Variants in USP13 observed in about 807,000 individuals in gnomAD.
USP13 encodes the protein ubiquitin carboxyl-terminal hydrolase 13.
In USP13, 68 loss-of-function variants were observed where a neutral mutation model predicts 107.8. The ratio of observed to expected loss-of-function variants is 0.63; its 90% CI spans 0.52 to 0.77. USP13 has a LOEUF of 0.77. Among genes scored for constraint, USP13 ranks in the 30% least tolerant of loss-of-function variants. The probability of loss-of-function intolerance (pLI) is 0.00; values close to 1 mark genes in which losing one functional copy is unlikely to be tolerated. For synonymous variants in USP13, 377 were observed against 389.5 expected (o/e 0.97, Z 0.38); for missense variants, 945 against 1,093.3 (o/e 0.86, Z 1.91).
chr3:179,786,065 A>G lies in USP13; in HGVS notation c.*1924A>G, dbSNP rs1715908329. The G allele has an allele frequency of 1.3e-5, 2 of 152,180 alleles. No homozygotes were observed. The highest frequency in any genetic ancestry group is 1.3e-4 in the Admixed American group (2 of 15,278). 9.4% of individuals were successfully genotyped at this position (152,180 alleles called of 1,614,324 possible). A position where few individuals can be genotyped will look rare whatever the true frequency, so the allele number is the denominator to read the frequency against. Reference sequence around the variant, plus strand: ...GGCAGAAGGAGGGAGCTCACGGTGCAGTACTTTTCTACCAAAGTGTGCCCA... The same window carrying G: ...GGCAGAAGGAGGGAGCTCACGGTGCGGTACTTTTCTACCAAAGTGTGCCCA... On this transcript the variant is annotated 3_prime_UTR_variant, in exon 21 of 21. Transcript: ENST00000263966.
chr3:179,668,381 T>A (rs566007989), intron 1 of USP13, among the ~76,000 whole-genome samples: 1 of 152,336 alleles, frequency 6.6e-6, no homozygotes, highest in South Asian at 2.1e-4. Context: ...GCCTATACTC[T>A]CCTGGGATTA....
At chr3:179,656,045 G>A (rs1720249899) in intron 1 of USP13, among the ~76,000 whole-genome samples, 1 of 152,128 alleles carries the variant, frequency 6.6e-6, no homozygotes, top group African/African-American at 2.4e-5. Context: ...AACCAGCTGA[G>A]TGGAAAAAAG....
At chr3:179,701,209 G>C (rs1435225833) in intron 4 of USP13, 80 bp downstream of exon 4, 2 of 1,440,448 alleles carry the variant, frequency 1.4e-6, no homozygotes, top group Non-Finnish European at 1.9e-6. Context: ...GTGTGTGTGC[G>C]GGGGTGGGGT....
chr3:179,685,944 C>T (rs911991684), intron 2 of USP13, among the ~76,000 whole-genome samples: 8 of 152,114 alleles, frequency 5.3e-5, no homozygotes, highest in African/African-American at 1.9e-4. Flanking sequence ...GACTTTTATT[C>T]TCCTGTCTTG....
chr3:179,756,053 A>T (rs1248696130), intron 15 of USP13, among the ~76,000 whole-genome samples: 2 of 152,210 alleles, frequency 1.3e-5, no homozygotes, highest in African/African-American at 4.8e-5. Flanking sequence ...TAAATACAAG[A>T]TGGTTTATTA....
intron 19 of USP13, 37 bp from the exon 20 acceptor site, chr3:179,781,702 A>G (rs1484538432): frequency 6.3e-7 from 1 of 1,585,734 alleles, no homozygotes. Flanking sequence ...CATTCTGGAA[A>G]TGCTGCCTTG....
At chr3:179,780,535 G>C (rs184260713) in intron 19 of USP13, among the ~76,000 whole-genome samples, 1 of 152,122 alleles carries the variant, frequency 6.6e-6, no homozygotes, top group Non-Finnish European at 1.5e-5. Context: ...GTCTGGATAG[G>C]GGGGGAAGAA....
chr3:179,770,223 G>C (rs56184125), intron 19 of USP13, among the ~76,000 whole-genome samples: 2,082 of 152,258 alleles, frequency 0.014, 32 homozygotes, highest in East Asian at 0.046. Flanking sequence ...GGGAATACCT[G>C]ATCACTTTAC....
chr3:179,775,794 A>T (rs1459658623), intron 19 of USP13, among the ~76,000 whole-genome samples: 1 of 152,192 alleles, frequency 6.6e-6, no homozygotes, highest in Non-Finnish European at 1.5e-5. Context: ...ATGCTCACCC[A>T]GAACTCAGTG....
intron 9 of USP13, 42 bp downstream of exon 9, chr3:179,730,302 T>A (rs774257670): frequency 6.3e-7 from 1 of 1,585,524 alleles, no homozygotes; most frequent in East Asian, 2.2e-5. Flanking sequence ...AGAAAAAGCA[T>A]CCAATAAAAT....
chr3:179,707,437 A>G (rs1712764562), intron 5 of USP13, among the ~76,000 whole-genome samples: 1 of 152,148 alleles, frequency 6.6e-6, no homozygotes, highest in Non-Finnish European at 1.5e-5. Context: ...TGACTGTGGC[A>G]TGGGTGGATT....
intron 2 of USP13, among the ~76,000 whole-genome samples, chr3:179,682,215 G>T (rs1711684286): frequency 6.9e-6 from 1 of 145,584 alleles, no homozygotes; most frequent in Non-Finnish European, 1.5e-5. Flanking sequence ...CTTCTGATTG[G>T]TGTTTTTAAG....
chr3:179,714,129 C>T (rs550953759), intron 6 of USP13, among the ~76,000 whole-genome samples: 7 of 152,216 alleles, frequency 4.6e-5, no homozygotes, highest in South Asian at 2.1e-4. Flanking sequence ...AGGACGGAGA[C>T]GGGATAGGGT....
intron 1 of USP13, among the ~76,000 whole-genome samples, chr3:179,674,646 G>C (rs1720841402): frequency 6.6e-6 from 1 of 151,488 alleles, no homozygotes; most frequent in South Asian, 2.1e-4. Context: ...CTTCTCTCGG[G>C]CCTGTACCCA....
chr3:179,702,717 G>A (rs1712578997), intron 4 of USP13, among the ~76,000 whole-genome samples: 1 of 152,326 alleles, frequency 6.6e-6, no homozygotes, highest in East Asian at 1.9e-4. Context: ...AGGGCATACA[G>A]AATTAAATTA....
chr3:179,662,518 A>T lies in USP13; in HGVS notation c.168+9125A>T, dbSNP rs148451289. ...TTTAGCATTCATTTACCTGCCGTCCAGCTTTCCAGACTTTAGTGCTATAGC... is the reference window on the plus strand; with the variant it reads ...TTTAGCATTCATTTACCTGCCGTCCTGCTTTCCAGACTTTAGTGCTATAGC... On this transcript the variant is annotated intron_variant, in intron 1 of 20. Coordinates refer to ENST00000263966, the MANE Select transcript of USP13 (RefSeq NM_003940.3). Among the ~76,000 whole-genome samples the T allele has an allele frequency of 2.7e-3, 405 of 152,294 alleles. 6 individuals carry two copies. Among genetic ancestry groups the T allele is most frequent in the African/African-American group, 9.0e-3 (375 of 41,556 alleles).
chr3:179,746,956 CA>C (rs1714433908), intron 13 of USP13, among the ~76,000 whole-genome samples: 1 of 152,046 alleles, frequency 6.6e-6, no homozygotes, highest in Non-Finnish European at 1.5e-5. Flanking sequence ...AACAGGAAAG[CA>C]AAAACAATTT....
chr3:179,768,195 A>T (rs983436154), intron 19 of USP13, among the ~76,000 whole-genome samples: 2 of 152,244 alleles, frequency 1.3e-5, no homozygotes, highest in African/African-American at 4.8e-5. Flanking sequence ...TGCGGAAGGA[A>T]TTAACCACAA....
chr3:179,744,727 T>C (rs887090161), intron 12 of USP13, among the ~76,000 whole-genome samples: 18 of 152,078 alleles, frequency 1.2e-4, no homozygotes, highest in Non-Finnish European at 2.1e-4. Flanking sequence ...ACAAACCAGG[T>C]TCATGGGCAT....
Sources: allele counts gnomAD v4.1 joint callset (sites outside exome capture counted in the v4.1 genomes callset), GRCh38; gene constraint gnomAD v4.1.1; transcripts MANE v1.5; gene names NCBI Gene and HGNC (gene_info 2026-07-23, HGNC 2026-07-21).